The following HDAC9 variants were observed in gnomAD, a reference collection of about 807,000 sequenced individuals.
HDAC9 encodes the protein MEF-2 interacting transcription repressor (MITR) protein.
HDAC9 carries 41 observed loss-of-function variants against 139.4 expected under a neutral mutation model. That is an observed-to-expected ratio of 0.29 (90% confidence interval 0.23 to 0.38). HDAC9 has a LOEUF of 0.38. Ranked by LOEUF, HDAC9 falls within the 10% of genes least tolerant of loss-of-function variation. HDAC9 has a pLI of 1.00. For synonymous variants in HDAC9, 517 were observed against 476.2 expected (o/e 1.09, Z -1.12); for missense variants, 1,147 against 1,297.0 (o/e 0.88, Z 1.78).
At chr7:18,862,651 G>A (rs1798198278) in intron 21 of HDAC9, among the ~76,000 whole-genome samples, 1 of 152,116 alleles carries the variant, frequency 6.6e-6, no homozygotes, top group Admixed American at 6.6e-5. Flanking sequence ...GCTCATCAGA[G>A]GAAGATGGTT....
intron 24 of HDAC9, 111 bp downstream of exon 24, chr7:18,954,341 T>C: frequency 1.1e-6 from 1 of 872,396 alleles, no homozygotes; most frequent in Non-Finnish European, 1.8e-6. Context: ...AATTTGCACA[T>C]GCGTTCTTAA....
Position 18,515,945 on chromosome 7 carries a change from A to G in HDAC9, c.22+19621A>G, listed in dbSNP as rs548308593. Among the ~76,000 whole-genome samples, 4 of 152,356 alleles carry G rather than the reference A, an allele frequency of 2.6e-5. No homozygotes were observed. In the East Asian group the frequency reaches 7.7e-4, roughly 29 times the overall value. On this transcript the variant is annotated intron_variant, in intron 2 of 25. Coordinates refer to ENST00000686413, the MANE Select transcript of HDAC9 (RefSeq NM_178425.4). Reference sequence around the variant, plus strand: ...TATAAAGAATATATTTTAAAAGCCAATTTTTAATTTTAAAACTTAAAGGGA... The same window carrying G: ...TATAAAGAATATATTTTAAAAGCCAGTTTTTAATTTTAAAACTTAAAGGGA...
chr7:18,703,155 G>GTA (rs1783635291), intron 12 of HDAC9, among the ~76,000 whole-genome samples: 1 of 151,930 alleles, frequency 6.6e-6, no homozygotes, highest in African/African-American at 2.4e-5. Flanking sequence ...GATACACTGA[G>GTA]TATATATATT....
At position 18,644,665 on chromosome 7, in the gene HDAC9, T is replaced by A; in HGVS notation, c.913-6T>A. On this transcript the variant is annotated splice_polypyrimidine_tract_variant and splice_region_variant and intron_variant, in intron 8 of 25. Coordinates refer to ENST00000686413, the MANE Select transcript of HDAC9 (RefSeq NM_178425.4). ...GTATTTTGAGACTCTCCTCTTTTTT[T>A]AACAGCAAATGGTTTCACAGCAACG... 6.2e-7 allele frequency: 1 copy of A among 1,605,840 alleles called. No individual in the cohort carries two copies. The highest frequency in any genetic ancestry group is 8.5e-7 in the Non-Finnish European group (1 of 1,176,036).
chr7:18,232,776 G>T (rs1252387456), intron 2 of HDAC9, among the ~76,000 whole-genome samples: 1 of 152,192 alleles, frequency 6.6e-6, no homozygotes, highest in Non-Finnish European at 1.5e-5. Context: ...GTAGAGCCAG[G>T]TTGAGTTACT....
In HDAC9 at chr7:18,556,715, A is replaced by G. The variant is rs1457825742; in HGVS notation, c.23-28566A>G. On this transcript the variant is annotated intron_variant, in intron 2 of 25. Coordinates refer to ENST00000686413, the MANE Select transcript of HDAC9 (RefSeq NM_178425.4). ...ACTTATCTTAATATTTAACTCAATAAAACTTCTGTTTCTCAGTGTTTCCCC... is the reference window on the plus strand; with the variant it reads ...ACTTATCTTAATATTTAACTCAATAGAACTTCTGTTTCTCAGTGTTTCCCC... Among the ~76,000 whole-genome samples the G allele has an allele frequency of 2.0e-5, 3 of 152,022 alleles. No individual in the cohort carries two copies. In the South Asian group the frequency reaches 6.2e-4, roughly 31 times the overall value.
chr7:18,973,081 G>T (rs1323798391), intron 24 of HDAC9, among the ~76,000 whole-genome samples: 1 of 152,194 alleles, frequency 6.6e-6, no homozygotes, highest in African/African-American at 2.4e-5. Flanking sequence ...AAGGATTTTA[G>T]CTCCTCTGCC....
At chr7:18,425,890 G>T (rs1201486422) in intron 1 of HDAC9, among the ~76,000 whole-genome samples, 2 of 152,144 alleles carry the variant, frequency 1.3e-5, no homozygotes, top group Non-Finnish European at 1.5e-5. Flanking sequence ...TATACCCCTT[G>T]TGATCAAGTC....
chr7:18,990,846 A>G (rs1032502544), intron 25 of HDAC9, among the ~76,000 whole-genome samples: 3 of 152,242 alleles, frequency 2.0e-5, no homozygotes, highest in Admixed American at 6.5e-5. Flanking sequence ...ACTAGGAAAG[A>G]GAACTCCCTG....
intron 2 of HDAC9, among the ~76,000 whole-genome samples, chr7:18,525,779 A>G (rs939348652): frequency 1.3e-5 from 2 of 152,122 alleles, no homozygotes; most frequent in Non-Finnish European, 2.9e-5. Flanking sequence ...AGGATGCTGT[A>G]TATCTGTTCC....
Position 18,182,568 on chromosome 7 carries a change from A to C in HDAC9, c.25+20219A>C, listed in dbSNP as rs75628768. Among the ~76,000 whole-genome samples the C allele has an allele frequency of 4.6e-3, 699 of 152,330 alleles. 2 individuals are homozygous for C. The highest frequency in any genetic ancestry group is 6.1e-3 in the Non-Finnish European group (415 of 68,020). ...ATTTGTTGAGTTTTTCTCACAAGCC[A>C]GGGGCTTTCACTGCATTTTCTTTAT... On this transcript the variant is annotated intron_variant, in intron 2 of 12. Coordinates refer to the HDAC9 transcript ENST00000417496.
Position 18,481,156 on chromosome 7 carries a change from T to A in HDAC9, c.-41-15106T>A, listed in dbSNP as rs553736052. Among the ~76,000 whole-genome samples the A allele has an allele frequency of 3.9e-5, 6 of 152,286 alleles. No individual in the cohort carries two copies. The South Asian group carries it at 1.2e-3, about 32-fold the overall frequency. On this transcript the variant is annotated intron_variant, in intron 1 of 3. Transcript: ENST00000413509. Reference sequence around the variant, plus strand: ...TTTTTGGAGAGGGCAATCCAACTTTTATCCCCACTTAACAACTGTAAATAT... The same window carrying A: ...TTTTTGGAGAGGGCAATCCAACTTTAATCCCCACTTAACAACTGTAAATAT...
chr7:18,309,346 A>G (rs1799146379), intron 1 of HDAC9, among the ~76,000 whole-genome samples: 2 of 152,298 alleles, frequency 1.3e-5, no homozygotes, highest in East Asian at 3.9e-4. Flanking sequence ...AAATTTAGAT[A>G]CTGTCTCTGA....
chr7:18,913,520 T>C (rs4379363), intron 22 of HDAC9, among the ~76,000 whole-genome samples: 27,615 of 152,050 alleles, frequency 0.18, 2,832 homozygotes, highest in South Asian at 0.31. Flanking sequence ...ACAAATAATA[T>C]GCGTAATTTT....
intron 23 of HDAC9, among the ~76,000 whole-genome samples, chr7:18,940,669 C>T (rs1473716411): frequency 1.3e-5 from 2 of 152,088 alleles, no homozygotes; most frequent in East Asian, 3.9e-4. Context: ...GTGAGGTTCC[C>T]AGAAAATCTG....
chr7:18,759,260 C>T (rs2129154422), intron 14 of HDAC9, among the ~76,000 whole-genome samples: 1 of 152,180 alleles, frequency 6.6e-6, no homozygotes, highest in African/African-American at 2.4e-5. Context: ...GGTCCATGGC[C>T]TGTAAGGAAC....
At chr7:18,866,829 G>T (rs1017952821) in intron 21 of HDAC9, among the ~76,000 whole-genome samples, 1 of 152,168 alleles carries the variant, frequency 6.6e-6, no homozygotes, top group Non-Finnish European at 1.5e-5. Flanking sequence ...AGCACATGCT[G>T]GGGTGAGTCA....
intron 13 of HDAC9, among the ~76,000 whole-genome samples, chr7:18,734,847 C>T (rs1307508835): frequency 2.6e-5 from 4 of 152,184 alleles, no homozygotes; most frequent in African/African-American, 7.2e-5. Context: ...GTTTGCACTC[C>T]CACCAACAGT....
intron 25 of HDAC9, among the ~76,000 whole-genome samples, chr7:18,986,894 T>C (rs1785404701): frequency 6.6e-6 from 1 of 152,184 alleles, no homozygotes; most frequent in African/African-American, 2.4e-5. Flanking sequence ...ATAAGAATGC[T>C]TGTGATTTTT....
Sources: allele counts gnomAD v4.1 joint callset (sites outside exome capture counted in the v4.1 genomes callset), GRCh38; gene constraint gnomAD v4.1.1; transcripts MANE v1.5; gene names NCBI Gene and HGNC (gene_info 2026-07-23, HGNC 2026-07-21).